Variants in DTD1 observed in about 807,000 individuals in gnomAD.
DTD1 encodes D-aminoacyl-tRNA deacylase 1.
Under a neutral mutation model 25.6 loss-of-function variants are expected in DTD1, and 13 were observed. That is an observed-to-expected ratio of 0.51 (90% CI 0.33 to 0.81). The LOEUF is 0.81. Among genes scored for constraint, DTD1 ranks in the 30% least tolerant of loss-of-function variants. The probability of loss-of-function intolerance (pLI) is 0.02; values close to 1 mark genes in which losing one functional copy is unlikely to be tolerated. For synonymous variants in DTD1, 110 were observed against 103.6 expected (o/e 1.06, Z -0.37); for missense variants, 193 against 266.4 (o/e 0.72, Z 1.92).
At chr20:18,732,471 G>A (rs143024279) in intron 4 of DTD1, among the ~76,000 whole-genome samples, 4 of 152,332 alleles carry the variant, frequency 2.6e-5, no homozygotes, top group African/African-American at 9.6e-5. Flanking sequence ...AAAATGGTAA[G>A]GGTACACACA....
chr20:18,672,336 T>TTGC (rs1227487364), intron 4 of DTD1, among the ~76,000 whole-genome samples: 1 of 152,186 alleles, frequency 6.6e-6, no homozygotes, highest in African/African-American at 2.4e-5. Flanking sequence ...ATTAAGTCCT[T>TTGC]TGCAACCTCA....
At chr20:18,593,895 T>C in intron 2 of DTD1, 74 bp downstream of exon 2, 1 of 1,196,022 alleles carries the variant, frequency 8.4e-7, no homozygotes, top group Non-Finnish European at 1.2e-6. Context: ...TCCATAGTAC[T>C]TTGTGCCTGT....
chr20:18,722,493 G>A (rs1159353759), intron 4 of DTD1, among the ~76,000 whole-genome samples: 3 of 152,226 alleles, frequency 2.0e-5, no homozygotes, highest in Non-Finnish European at 4.4e-5. Flanking sequence ...ACTGCATCAT[G>A]TTTGATAGCT....
intron 4 of DTD1, among the ~76,000 whole-genome samples, chr20:18,740,535 G>A (rs116049863): frequency 0.014 from 2,080 of 152,252 alleles, 33 homozygotes; most frequent in African/African-American, 0.02. Context: ...GCAGCAGAAG[G>A]CAGCTTACCA....
At chr20:18,750,625 T>A (rs1568689809) in intron 5 of DTD1, among the ~76,000 whole-genome samples, 1 of 152,240 alleles carries the variant, frequency 6.6e-6, no homozygotes, top group Non-Finnish European at 1.5e-5. Flanking sequence ...TTGCAAATGT[T>A]GCTTCTTATT....
intron 4 of DTD1, among the ~76,000 whole-genome samples, chr20:18,649,987 T>C (rs1600343962): frequency 2.0e-5 from 3 of 152,128 alleles, no homozygotes; most frequent in Admixed American, 1.3e-4. Context: ...TGGAGGCAGG[T>C]GGATTGCTTG....
intron 5 of DTD1, among the ~76,000 whole-genome samples, chr20:18,746,403 G>A (rs893769334): frequency 1.3e-5 from 2 of 152,164 alleles, no homozygotes; most frequent in South Asian, 2.1e-4. Flanking sequence ...ATACCAGGAA[G>A]TGAGATATAT....
chr20:18,625,975 T>C (rs1431717599), intron 3 of DTD1, among the ~76,000 whole-genome samples: 1 of 152,238 alleles, frequency 6.6e-6, no homozygotes, highest in African/African-American at 2.4e-5. Context: ...GAATGTGGGC[T>C]TGCTCCCAGC....
At chr20:18,684,187 A>G (rs2061007640) in intron 4 of DTD1, among the ~76,000 whole-genome samples, 2 of 152,004 alleles carry the variant, frequency 1.3e-5, no homozygotes, top group Non-Finnish European at 2.9e-5. Flanking sequence ...AAGTATGTGG[A>G]TCTCCCCACT....
chr20:18,636,017 T>C (rs546984814), intron 4 of DTD1, among the ~76,000 whole-genome samples: 8 of 152,254 alleles, frequency 5.3e-5, no homozygotes, highest in Non-Finnish European at 1.0e-4. Flanking sequence ...ATATCTGTTT[T>C]GCTTTAAACC....
At chr20:18,722,279 G>A (rs1035990436) in intron 4 of DTD1, among the ~76,000 whole-genome samples, 2 of 152,210 alleles carry the variant, frequency 1.3e-5, no homozygotes, top group South Asian at 2.1e-4. Context: ...CCCATCTGGC[G>A]GTACCAGGCA....
intron 4 of DTD1, among the ~76,000 whole-genome samples, chr20:18,639,501 A>AG (rs2060820542): frequency 6.6e-6 from 1 of 152,160 alleles, no homozygotes; most frequent in Non-Finnish European, 1.5e-5. Context: ...GAAGGGAGGC[A>AG]GCTGCTCCAG....
At chr20:18,612,406 GC>G (rs769547895) in intron 3 of DTD1, among the ~76,000 whole-genome samples, 4 of 151,882 alleles carry the variant, frequency 2.6e-5, no homozygotes, top group Admixed American at 6.6e-5. Context: ...TATATTCCAG[GC>G]CCTGTGCAAA....
intron 4 of DTD1, among the ~76,000 whole-genome samples, chr20:18,662,453 G>A (rs1323465085): frequency 6.6e-6 from 1 of 152,154 alleles, no homozygotes; most frequent in Non-Finnish European, 1.5e-5. Flanking sequence ...TTGGAAAGCA[G>A]TCAGCAAATG....
chr20:18,618,041 T>C (rs2122290970), intron 3 of DTD1, among the ~76,000 whole-genome samples: 1 of 152,334 alleles, frequency 6.6e-6, no homozygotes, highest in South Asian at 2.1e-4. Flanking sequence ...AGTGACATGA[T>C]GAATACATTT....
At chr20:18,758,136 A>C (rs2061346826) in intron 5 of DTD1, among the ~76,000 whole-genome samples, 1 of 150,406 alleles carries the variant, frequency 6.6e-6, no homozygotes, top group Non-Finnish European at 1.5e-5. Flanking sequence ...ATCATTTTTT[A>C]TTGCATCTAT....
intron 5 of DTD1, among the ~76,000 whole-genome samples, chr20:18,762,222 G>A (rs777488267): frequency 1.3e-5 from 2 of 152,202 alleles, no homozygotes; most frequent in Non-Finnish European, 1.5e-5. Flanking sequence ...CACTGCCATG[G>A]CATATTGAGT....
chr20:18,741,757 C>G (rs1252885701), intron 4 of DTD1, among the ~76,000 whole-genome samples: 1 of 151,938 alleles, frequency 6.6e-6, no homozygotes, highest in African/African-American at 2.4e-5. Flanking sequence ...CAGTCTTCCT[C>G]TGTCACCCAG....
chr20:18,667,622 T>C (rs529948552), intron 4 of DTD1, among the ~76,000 whole-genome samples: 2 of 152,276 alleles, frequency 1.3e-5, no homozygotes, highest in East Asian at 3.9e-4. Flanking sequence ...ATGAAGGCAT[T>C]TCTTCCTTGC....
Sources: gnomAD v4.1 joint callset for allele counts (sites outside exome capture counted in the v4.1 genomes callset) on GRCh38, gnomAD v4.1.1 for gene constraint, MANE v1.5 for transcripts, NCBI Gene and HGNC (gene_info 2026-07-23, HGNC 2026-07-21) for gene names.